Variants in C16orf96 observed in about 807,000 individuals in gnomAD.
C16orf96 encodes the protein uncharacterized protein C16orf96.
A neutral mutation model predicts 103.6 loss-of-function variants in C16orf96; 108 were observed. The ratio of observed to expected loss-of-function variants is 1.04; its 90% CI spans 0.89 to 1.22. The LOEUF (loss-of-function observed/expected upper bound fraction) is 1.22. C16orf96 is among the 50% of genes most tolerant of loss of function. C16orf96 has a pLI of 0.00. For synonymous variants in C16orf96, 566 were observed against 593.5 expected (o/e 0.95, Z 0.67); for missense variants, 1,586 against 1,464.2 (o/e 1.08, Z -1.36).
chr16:4,581,145 T>C (rs1428517877), intron 7 of C16orf96, among the ~76,000 whole-genome samples: 1 of 52,616 alleles, frequency 1.9e-5, no homozygotes, highest in African/African-American at 1.6e-4. Context: ...TGTATACATA[T>C]ATATATATAT....
the C16orf96 span, among the ~76,000 whole-genome samples, chr16:4,548,332 CA>C: frequency 6.6e-6 from 1 of 152,316 alleles, no homozygotes; most frequent in South Asian, 2.1e-4. Context: ...CCCTGGCACC[CA>C]AGGCGCGCCT....
chr16:4,554,845 G>T (rs1421399289), upstream of C16orf96, among the ~76,000 whole-genome samples: 2 of 151,394 alleles, frequency 1.3e-5, no homozygotes, highest in Admixed American at 1.3e-4. Context: ...TGGCCAGGAT[G>T]GTCTCCATCT....
chr16:4,574,762 G>A lies in C16orf96; in HGVS notation c.579G>A (p.Trp193Ter), dbSNP rs1190493643. 6.4e-7 allele frequency: 1 copy of A among 1,551,852 alleles called. No individual in the cohort carries two copies. The highest frequency in any genetic ancestry group is 1.2e-5 in the South Asian group (1 of 84,056). The change falls in exon 3 of 16, where the codon TGG (tryptophan) becomes TGA (stop). Residue 193 changes from tryptophan to a stop codon, truncating the protein, a stop_gained. Transcript: ENST00000444310. LOFTEE classifies it high-confidence loss of function. Reference sequence around the variant, plus strand: ...CTGAAGACTTCAAAATACAGAACTGGAAGATGGTTGCACTGCAGCGGGAAG... The same window carrying A: ...CTGAAGACTTCAAAATACAGAACTGAAAGATGGTTGCACTGCAGCGGGAAG... ...IFAEDFKIQN[W>*]KMVALQREVA...
chr16:4,583,940 A>G (rs1003645312), intron 7 of C16orf96, among the ~76,000 whole-genome samples: 11 of 151,752 alleles, frequency 7.2e-5, no homozygotes, highest in African/African-American at 2.7e-4. Context: ...AAAAAAAAAA[A>G]AAAAAAAATA....
intron 8 of C16orf96, among the ~76,000 whole-genome samples, chr16:4,587,913 G>A (rs1266170046): frequency 1.3e-5 from 2 of 152,146 alleles, no homozygotes; most frequent in African/African-American, 2.4e-5. Context: ...TCCAGCCTGG[G>A]CAACCTTGAA....
chr16:4,599,532 G>A (rs1019501271), intron 15 of C16orf96, among the ~76,000 whole-genome samples, 168 bp downstream of exon 15: 13 of 152,162 alleles, frequency 8.5e-5, no homozygotes, highest in South Asian at 2.1e-4. Context: ...TCCTGGCCCC[G>A]GTGCCATCCC....
chr16:4,562,298 G>A (rs973050157), intron 1 of C16orf96, among the ~76,000 whole-genome samples: 1 of 151,988 alleles, frequency 6.6e-6, no homozygotes, highest in Non-Finnish European at 1.5e-5. Context: ...AACATGGCGA[G>A]ACTCCCTTTC....
intron 7 of C16orf96, among the ~76,000 whole-genome samples, chr16:4,582,434 G>A (rs375256885): frequency 9.8e-5 from 15 of 152,290 alleles, no homozygotes; most frequent in African/African-American, 3.6e-4. Flanking sequence ...CATGGCGTAT[G>A]GCTGACCCCA....
At chr16:4,558,035 G>T (rs1197564810) in intron 1 of C16orf96, among the ~76,000 whole-genome samples, 1 of 152,206 alleles carries the variant, frequency 6.6e-6, no homozygotes, top group Non-Finnish European at 1.5e-5. Flanking sequence ...TAGTCACGGT[G>T]AACAGGCACG....
the C16orf96 span, among the ~76,000 whole-genome samples, chr16:4,539,090 T>TA: frequency 6.6e-6 from 1 of 152,308 alleles, no homozygotes; most frequent in South Asian, 2.1e-4. Flanking sequence ...GGAGGTGCAT[T>TA]ACATAAAACC....
chr16:4,570,461 C>T (rs948698139), intron 1 of C16orf96, among the ~76,000 whole-genome samples: 10 of 113,348 alleles, frequency 8.8e-5, no homozygotes, highest in Non-Finnish European at 1.5e-4. Context: ...TCTCACAACA[C>T]GCTTTTTTTT....
chr16:4,596,420 G>C (rs1295293961), intron 14 of C16orf96, among the ~76,000 whole-genome samples: 1 of 151,204 alleles, frequency 6.6e-6, no homozygotes, highest in East Asian at 2.0e-4. Flanking sequence ...AGGAGGCAGA[G>C]GTTGCAGTGA....
rs373401764 is a variant in C16orf96 at position 4,590,894 on chromosome 16, TG to T, written c.2593-767del. ...AAAAAAAAAAAAAATTAGTCGGGTT[TG>T]GGGGCACACGCCTGTAATCCCAGCT... is the stretch of plus-strand genomic sequence containing the variant. On this transcript the variant is annotated intron_variant, in intron 9 of 15. Coordinates refer to ENST00000444310, the MANE Select transcript of C16orf96 (RefSeq NM_001145011.2). Among the ~76,000 whole-genome samples, 58 of 148,978 alleles carry T rather than the reference TG, an allele frequency of 3.9e-4. No individual in the cohort carries two copies. The South Asian group carries it at 4.0e-3, about 10-fold the overall frequency.
intron 1 of C16orf96, among the ~76,000 whole-genome samples, chr16:4,565,952 C>G (rs951904887): frequency 6.6e-6 from 1 of 152,202 alleles, no homozygotes; most frequent in Non-Finnish European, 1.5e-5. Flanking sequence ...AAGCGATCCT[C>G]CCATCTCTGC....
the C16orf96 span, among the ~76,000 whole-genome samples, chr16:4,547,411 A>G: frequency 6.7e-6 from 1 of 148,830 alleles, no homozygotes; most frequent in Non-Finnish European, 1.5e-5. Flanking sequence ...TGCTGGGATT[A>G]CAGATGTGAG....
intron 13 of C16orf96, 54 bp downstream of exon 13, chr16:4,594,564 C>G (rs1897130542): frequency 6.5e-7 from 1 of 1,543,522 alleles, no homozygotes; most frequent in Non-Finnish European, 8.8e-7. Context: ...GCACCCCAGC[C>G]CCAGGTGTGG....
chr16:4,569,157 A>G (rs2059411040), intron 1 of C16orf96, among the ~76,000 whole-genome samples: 1 of 151,612 alleles, frequency 6.6e-6, no homozygotes. Context: ...TTTGGTAGAG[A>G]TGGGGTTTCA....
intron 6 of C16orf96, 34 bp downstream of exon 6, chr16:4,579,059 T>C: frequency 6.5e-7 from 1 of 1,536,698 alleles, no homozygotes; most frequent in East Asian, 2.5e-5. Flanking sequence ...TTTGAGGCAG[T>C]GATGGCTTGA....
At chr16:4,569,510 T>C (rs924249248) in intron 1 of C16orf96, among the ~76,000 whole-genome samples, 5 of 151,900 alleles carry the variant, frequency 3.3e-5, no homozygotes, top group African/African-American at 1.2e-4. Flanking sequence ...CCCAGCACTC[T>C]GGGAGGCCGA....
Sources: gnomAD v4.1 joint callset for allele counts (sites outside exome capture counted in the v4.1 genomes callset) on GRCh38, gnomAD v4.1.1 for gene constraint, MANE v1.5 for transcripts, NCBI Gene and HGNC (gene_info 2026-07-23, HGNC 2026-07-21) for gene names.